Variants in ANGEL2 observed in about 807,000 individuals in gnomAD.
The protein encoded by ANGEL2 is angel homolog 2, also known as RNA 2',3'-cyclic phosphatase ANGEL2.
ANGEL2 carries 41 observed loss-of-function variants against 66.0 expected under a neutral mutation model. The ratio of observed to expected loss-of-function variants is 0.62; its 90% confidence interval spans 0.48 to 0.81. The LOEUF (loss-of-function observed/expected upper bound fraction) is 0.81. ANGEL2 is among the 30% of genes least tolerant of loss of function. The pLI is 0.00. For synonymous variants in ANGEL2, 208 were observed against 226.5 expected (o/e 0.92, Z 0.73); for missense variants, 561 against 641.6 (o/e 0.87, Z 1.36).
At chr1:213,006,758 A>T (rs1277155431) in intron 4 of ANGEL2, 1 of 190,278 alleles carries the variant, frequency 5.3e-6, no homozygotes, top group African/African-American at 2.3e-5. Flanking sequence ...TTATACACCA[A>T]CACAAAAGTT....
intron 5 of ANGEL2, 43 bp downstream of exon 5, chr1:213,004,990 G>C: frequency 6.9e-7 from 1 of 1,446,344 alleles, no homozygotes; most frequent in Non-Finnish European, 9.2e-7. Flanking sequence ...CATGAGCAGA[G>C]CAACTATGTC....
intron 1 of ANGEL2, 92 bp from the exon 2 acceptor site, chr1:213,013,510 T>C: frequency 8.4e-7 from 1 of 1,197,580 alleles, no homozygotes; most frequent in Non-Finnish European, 1.2e-6. Context: ...GAAGGTAATG[T>C]CTAATATTTA....
chr1:213,007,259 CT>C, intron 3 of ANGEL2, 61 bp from the exon 4 acceptor site: 1 of 1,278,326 alleles, frequency 7.8e-7, no homozygotes, highest in Non-Finnish European at 1.1e-6. Context: ...TTTCCTGGTG[CT>C]TTTATCTTAA....
At chr1:213,006,552 G>A (rs1351956160) in intron 4 of ANGEL2, 1 of 152,072 alleles carries the variant, frequency 6.6e-6, no homozygotes, top group Non-Finnish European at 1.5e-5. Flanking sequence ...CTTGTTTCTA[G>A]GAGTGTTTAT....
intron 2 of ANGEL2, among the ~76,000 whole-genome samples, chr1:213,011,904 G>A (rs1044107366): frequency 2.0e-5 from 3 of 152,158 alleles, no homozygotes; most frequent in Admixed American, 2.0e-4. Context: ...TCTTAGGATT[G>A]TTCTTAGAAA....
At chr1:213,003,738 A>ACAGGAAT (rs1235136224) in intron 5 of ANGEL2, among the ~76,000 whole-genome samples, 1 of 152,208 alleles carries the variant, frequency 6.6e-6, no homozygotes, top group Admixed American at 6.5e-5. Flanking sequence ...GGTGACAGAG[A>ACAGGAAT]CAGGAATTGA....
chr1:213,015,623 C>T lies in ANGEL2; in HGVS notation c.49G>A (p.Gly17Arg). ...VRKGYGHCVV[G>R]RGRYPMFPHH... ...CCCAGCCCTACTGACCGGCCTCTTC[C>T]CACCACACAGTGGCCGTAGCCCTTC... The change falls in exon 1 of 9, where the codon GGA (glycine) becomes AGA (arginine). Residue 17 changes from glycine (G) to arginine (R), a missense_variant. By Grantham distance (125) the Gly-to-Arg change is moderately radical. Coordinates refer to ENST00000366962, the MANE Select transcript of ANGEL2 (RefSeq NM_144567.5). The T allele has an allele frequency of 6.2e-7, 1 of 1,613,728 alleles. No individual in the cohort carries two copies. The highest frequency in any genetic ancestry group is 8.5e-7 in the Non-Finnish European group (1 of 1,179,802).
rs1453635378 is a variant in ANGEL2 at position 212,993,686 on chromosome 1, A to T, written c.*1355T>A. 1 of 152,230 alleles carries T rather than the reference A, an allele frequency of 6.6e-6. No homozygotes were observed. The highest frequency in any genetic ancestry group is 1.5e-5 in the Non-Finnish European group (1 of 68,038). 9.4% of individuals were successfully genotyped at this position (152,230 alleles called of 1,614,324 possible). A position where few individuals can be genotyped will look rare whatever the true frequency, so the allele number is the denominator to read the frequency against. ...TAGAGGATTTATTAAACCTGCTCAT[A>T]ACCACTTCATAGAAAGTGTCAGCAC... On this transcript the variant is annotated 3_prime_UTR_variant, in exon 9 of 9. Coordinates refer to ENST00000366962, the MANE Select transcript of ANGEL2 (RefSeq NM_144567.5).
In ANGEL2 at chr1:213,013,246, A is replaced by G; in HGVS notation, c.232T>C (p.Trp78Arg). ...YFSSRHFSLNWRPPCLFESRT... is the reference protein window; with the variant it reads ...YFSSRHFSLNRRPPCLFESRT... ...GACTCAAACAAACAGGGTGGTCTCC[A>G]ATTTAGTGAAAAATGCCTACTACTG... Residue 78 changes from tryptophan (W) to arginine (R), a missense_variant, in exon 2 of 9, where the codon TGG becomes CGG. Physicochemically the swap from Trp to Arg is moderately radical, Grantham distance 101. Coordinates refer to ENST00000366962, the MANE Select transcript of ANGEL2 (RefSeq NM_144567.5). 6 of 1,614,184 alleles carry G rather than the reference A, an allele frequency of 3.7e-6. No homozygotes were observed. Among genetic ancestry groups the G allele is most frequent in the Non-Finnish European group, 5.1e-6 (6 of 1,180,030 alleles).
At position 212,999,380 on chromosome 1, in the gene ANGEL2, T is replaced by TA. The variant is rs568196009; in HGVS notation, c.1319+945dup. Among the ~76,000 whole-genome samples, 482 of 152,350 alleles carry TA rather than the reference T, an allele frequency of 3.2e-3. 4 individuals carry two copies. Among genetic ancestry groups the TA allele is most frequent in the African/African-American group, 0.011 (459 of 41,586 alleles). Reference sequence around the variant, plus strand: ...GAGTTACTCAAAACGAAGTACTTGTTAGATTAGCCTCCTTATTAATCTTAT... The same window carrying TA: ...GAGTTACTCAAAACGAAGTACTTGTTAAGATTAGCCTCCTTATTAATCTTAT... On this transcript the variant is annotated intron_variant, in intron 7 of 8. Transcript: ENST00000366962.
In ANGEL2 at chr1:213,003,467, T is replaced by TA. The variant is rs886871013; in HGVS notation, c.1134+1565dup. On this transcript the variant is annotated intron_variant, in intron 5 of 8. Transcript: ENST00000366962. ...TGAGTCTTCCTTCTACTTGAACACT[T>TA]AGAGAGCGCTGCAGGGCTATTACTT... Among the ~76,000 whole-genome samples, 87 of 152,180 alleles carry TA rather than the reference T, an allele frequency of 5.7e-4. 1 individual carries two copies. The highest frequency in any genetic ancestry group is 1.9e-3 in the African/African-American group (79 of 41,438).
intron 1 of ANGEL2, chr1:213,015,334 G>T (rs1332354376): frequency 1.5e-6 from 2 of 1,367,292 alleles, no homozygotes; most frequent in African/African-American, 1.5e-5. Context: ...AGCAGGCCAG[G>T]GATCCAAAGC....
chr1:213,013,134 G>C lies in ANGEL2; in HGVS notation c.344C>G (p.Ala115Gly), dbSNP rs147737101. 184 of 1,613,926 alleles carry C rather than the reference G, an allele frequency of 1.1e-4. No individual in the cohort carries two copies. Among genetic ancestry groups the C allele is most frequent in the Non-Finnish European group, 1.4e-4 (170 of 1,179,986 alleles). The change falls in exon 2 of 9, where the codon GCT becomes GGT. Residue 115 changes from alanine to glycine, a missense_variant. Coordinates refer to ENST00000366962, the MANE Select transcript of ANGEL2 (RefSeq NM_144567.5). ...LIHLSSYVMN[A>G]EGDEPSSKRR... is the part of the protein sequence containing the mutation. ...TTTTGATGAAGGCTCATCTCCCTCA[G>C]CGTTCATGACGTAACTAGAGAGATG...
chr1:213,001,240 T>C (rs571009862), intron 5 of ANGEL2: 2 of 262,980 alleles, frequency 7.6e-6, no homozygotes, highest in East Asian at 1.4e-4. Context: ...AATATAGGCA[T>C]GCTCACAGGT....
At chr1:213,015,533 C>CCCGGGT in intron 1 of ANGEL2, 80 bp downstream of exon 1, 3 of 1,533,124 alleles carry the variant, frequency 2.0e-6, no homozygotes, top group Admixed American at 2.0e-5. Context: ...CGCCCCGCCC[C>CCCGGGT]GGGTTAGTCC....
intron 1 of ANGEL2, 98 bp downstream of exon 1, chr1:213,015,515 G>T: frequency 7.5e-5 from 93 of 1,243,940 alleles, no homozygotes; most frequent in East Asian, 2.0e-4. Flanking sequence ...TCCACCCCTA[G>T]CCCGCCCCGC....
chr1:213,000,396 A>G lies in ANGEL2; in HGVS notation c.1262-13T>C, dbSNP rs1184375391. The G allele has an allele frequency of 1.9e-6, 3 of 1,605,580 alleles. No individual in the cohort carries two copies. Among genetic ancestry groups the G allele is most frequent in the Non-Finnish European group, 2.6e-6 (3 of 1,172,880 alleles). ...GTCAGATCACTGTCTGTAAGAATAGAGGAAAATATATTAATGTTATTGTTC... is the reference window on the plus strand; with the variant it reads ...GTCAGATCACTGTCTGTAAGAATAGGGGAAAATATATTAATGTTATTGTTC... On this transcript the variant is annotated splice_polypyrimidine_tract_variant and intron_variant, in intron 6 of 8. Coordinates refer to ENST00000366962, the MANE Select transcript of ANGEL2 (RefSeq NM_144567.5).
chr1:213,015,097 C>A, intron 1 of ANGEL2: 1 of 983,604 alleles, frequency 1.0e-6, no homozygotes, highest in Non-Finnish European at 1.2e-6. Context: ...AAGAACTTGG[C>A]CATAACAGTA....
At position 213,005,435 on chromosome 1, in the gene ANGEL2, C is replaced by A; in HGVS notation, c.732G>T (p.Lys244Asn). Residue 244 changes from lysine to asparagine, a missense_variant, in exon 5 of 9, where the codon AAG becomes AAT. Coordinates refer to ENST00000366962, the MANE Select transcript of ANGEL2 (RefSeq NM_144567.5). ...CATCAGGTTTCCTTCCTGTCCGCAT[C>A]TTATATTCACAGTGATAACCTACAA... Reference protein sequence around the residue: ...LESLGYHCEYKMRTGRKPDGC... With the variant: ...LESLGYHCEYNMRTGRKPDGC... 1 of 1,603,100 alleles carries A rather than the reference C, an allele frequency of 6.2e-7. No individual in the cohort carries two copies. The highest frequency in any genetic ancestry group is 8.5e-7 in the Non-Finnish European group (1 of 1,174,744).
Sources: gnomAD v4.1 joint callset for allele counts (sites outside exome capture counted in the v4.1 genomes callset) on GRCh38, gnomAD v4.1.1 for gene constraint, MANE v1.5 for transcripts, NCBI Gene and HGNC (gene_info 2026-07-23, HGNC 2026-07-21) for gene names.